Variants in COL6A3 observed in about 807,000 individuals in gnomAD.
COL6A3 encodes collagen alpha-3(VI) chain.
COL6A3 carries 137 observed loss-of-function variants against 274.1 expected under a neutral mutation model. That is an observed-to-expected ratio of 0.50 (90% CI 0.44 to 0.58). The LOEUF is 0.58. COL6A3 is among the 20% of genes least tolerant of loss of function. The pLI is 0.00. For missense variants in COL6A3, 3,950 were observed against 4,124.9 expected (o/e 0.96, Z 1.16); for synonymous variants, 1,650 against 1,650.6 (o/e 1.00, Z 0.01).
In COL6A3 at chr2:237,359,443, C is replaced by T. The variant is rs538152343; in HGVS notation, c.6283-55G>A. 89 of 1,602,010 alleles carry T rather than the reference C, an allele frequency of 5.6e-5. No homozygotes were observed. The African/African-American group carries it at 9.5e-4, about 17-fold the overall frequency. On this transcript the variant is annotated intron_variant, in intron 17 of 43. Transcript: ENST00000295550. ...AGCTTTTCCTGCAGGGCTGGTCCCT[C>T]GGGCAGAAGAGGCCAAGGGCTGTTC...
chr2:237,341,433 A>G (rs1334373724), intron 37 of COL6A3, among the ~76,000 whole-genome samples: 2 of 150,862 alleles, frequency 1.3e-5, no homozygotes, highest in Non-Finnish European at 2.9e-5. Context: ...AATCTAGGCT[A>G]CTCTGGAGGC....
At chr2:237,354,501 A>G (rs2077274580) in intron 24 of COL6A3, among the ~76,000 whole-genome samples, 1 of 152,170 alleles carries the variant, frequency 6.6e-6, no homozygotes, top group South Asian at 2.1e-4. Context: ...CTGTTCTGGT[A>G]AACTGTGTAT....
Position 237,387,682 on chromosome 2 carries a change from T to C in COL6A3, c.1212A>G (p.Glu404=). The change falls in exon 4 of 44, where the codon GAA becomes GAG. Residue 404 remains glutamate (E), a synonymous_variant. Coordinates refer to ENST00000295550, the MANE Select transcript of COL6A3 (RefSeq NM_004369.4). ...TDDNLVFTVP[E]FRSFGDLQEK... Reference sequence around the variant, plus strand: ...CCTGGAGGTCCCCAAAGCTACGGAATTCCGGGACAGTAAACACCAAGTTGT... The same window carrying C: ...CCTGGAGGTCCCCAAAGCTACGGAACTCCGGGACAGTAAACACCAAGTTGT... 6.2e-7 allele frequency: 1 copy of C among 1,614,002 alleles called. No individual in the cohort carries two copies. The highest frequency in any genetic ancestry group is 1.3e-5 in the African/African-American group (1 of 75,044).
At chr2:237,363,198 C>A (rs2077476337) in intron 14 of COL6A3, 55 bp downstream of exon 14, 1 of 1,579,000 alleles carries the variant, frequency 6.3e-7, no homozygotes, top group Non-Finnish European at 8.7e-7. Context: ...TCTTGAAATG[C>A]CAAAAGGTGT....
At chr2:237,350,992 G>A (rs1028498194) in intron 27 of COL6A3, 138 bp downstream of exon 27, 30 of 800,670 alleles carry the variant, frequency 3.7e-5, no homozygotes, top group Middle Eastern at 2.2e-4. Flanking sequence ...TGGCCAAGCC[G>A]CGATCAACAG....
Position 237,360,080 on chromosome 2 carries a change from C to T in COL6A3, c.6282+8G>A, listed in dbSNP as rs758003433. ...CCCACGCTAGCAACCCCATCACCCA[C>T]GCCTCACCTTTACTCCTCTCTGGCC... On this transcript the variant is annotated splice_region_variant and intron_variant, in intron 17 of 43. Coordinates refer to ENST00000295550, the MANE Select transcript of COL6A3 (RefSeq NM_004369.4). The T allele has an allele frequency of 2.3e-5, 37 of 1,613,942 alleles. No individual in the cohort carries two copies. The highest frequency in any genetic ancestry group is 2.0e-4 in the African/African-American group (15 of 74,922).
In COL6A3 at chr2:237,364,325, A is replaced by G. The variant is rs370946061; in HGVS notation, c.5917+25T>C. The G allele has an allele frequency of 1.3e-6, 2 of 1,594,662 alleles. No individual in the cohort carries two copies. Among genetic ancestry groups the G allele is most frequent in the East Asian group, 2.2e-5 (1 of 44,790 alleles). On this transcript the variant is annotated intron_variant, in intron 13 of 43. Coordinates refer to ENST00000295550, the MANE Select transcript of COL6A3 (RefSeq NM_004369.4). This position sits in a 1 kb window ranked among gnomAD's most constrained non-coding sequence, Gnocchi z 4.6. The stretch of plus-strand genomic sequence containing the variant: ...CCCGCCTCACCAGGGTTTACTTCTC[A>G]TATTTAGAAAGCCTTGGCACCTACC...
rs2646260 is a variant in COL6A3 at position 237,369,152 on chromosome 2, A to G, written c.4311T>C (p.Ile1437=). The G allele has an allele frequency of 0.27, 428,134 of 1,612,410 alleles. 62,245 individuals carry two copies. The highest frequency in any genetic ancestry group is 0.58 in the African/African-American group (43,825 of 74,962). ...PPAVESDAAD[I]VFLIDSSEGV... ...CCTCAGAGCTGTCGATCAGAAAGAC[A>G]ATGTCTGCAGCATCACTCTCAACTG... The change falls in exon 10 of 44, where the codon ATT becomes ATC. Residue 1437 remains isoleucine, a synonymous_variant. Transcript: ENST00000295550.
At position 237,387,910 on chromosome 2, in the gene COL6A3, G is replaced by A. The variant is rs768609958; in HGVS notation, c.984C>T (p.Phe328=). 6.8e-6 allele frequency: 11 copies of A among 1,614,114 alleles called. No homozygotes were observed. The highest frequency in any genetic ancestry group is 2.2e-5 in the South Asian group (2 of 91,082). Residue 328 remains phenylalanine (F), a synonymous_variant, in exon 4 of 44, where the codon TTC becomes TTT. Transcript: ENST00000295550. Reference sequence around the variant, plus strand: ...CCCGGGTGAAGTGGTTCTCCACCACGAAATCAAGGGCGAGGCCGATATTGG... The same window carrying A: ...CCCGGGTGAAGTGGTTCTCCACCACAAAATCAAGGGCGAGGCCGATATTGG... ...ELANIGLALD[F]VVENHFTRAG... is the part of the protein sequence containing the mutation.
Position 237,348,484 on chromosome 2 carries a change from C to A in COL6A3, c.6931-100G>T, listed in dbSNP as rs3790990. ...AAGAAATGTCTGCTGAGTCATCAAA[C>A]GAAAACACTCACTCAAATACAAAGA... On this transcript the variant is annotated intron_variant, in intron 29 of 43. Transcript: ENST00000295550. The A allele has an allele frequency of 0.17, 223,346 of 1,332,326 alleles. 20,296 individuals carry two copies. The highest frequency in any genetic ancestry group is 0.34 in the African/African-American group (22,905 of 68,258). The allele number at this position is 1,332,326 out of a possible 1,614,324, so 82.5% of individuals were successfully genotyped here.
At position 237,344,691 on chromosome 2, in the gene COL6A3, C is replaced by T. The variant is rs1345727801; in HGVS notation, c.7327G>A (p.Ala2443Thr). 9 of 1,609,420 alleles carry T rather than the reference C, an allele frequency of 5.6e-6. No individual in the cohort carries two copies. The highest frequency in any genetic ancestry group is 7.6e-6 in the Non-Finnish European group (9 of 1,177,080). The stretch of plus-strand genomic sequence containing the variant: ...TTGTAGGTGACCACAGCCACCCGGG[C>T]CCCCCGTGGGCAGTTGCTCTCAGCA... ...TIAESNCPRG[A>T]RVAVVTYNNE... is the part of the protein sequence containing the mutation. Residue 2443 changes from alanine (A) to threonine (T), a missense_variant, in exon 36 of 44, where the codon GCC (alanine) becomes ACC (threonine). Transcript: ENST00000295550. The surrounding 1 kb of genome is among the most constrained non-coding windows in gnomAD (Gnocchi z 4.8).
chr2:237,368,499 C>A lies in COL6A3; in HGVS notation c.4900+64G>T. On this transcript the variant is annotated intron_variant, in intron 10 of 43. Transcript: ENST00000295550. The surrounding 1 kb of genome is among the most constrained non-coding windows in gnomAD (Gnocchi z 4.4). ...AATTATTAAAAATGACTACTGATTA[C>A]TTTTTTAACTAAAAAAAAAATGTTG... 6.3e-7 allele frequency: 1 copy of A among 1,586,690 alleles called. No homozygotes were observed. Among genetic ancestry groups the A allele is most frequent in the Non-Finnish European group, 8.6e-7 (1 of 1,163,990 alleles).
intron 1 of COL6A3, among the ~76,000 whole-genome samples, chr2:237,401,781 C>T (rs1430849436): frequency 6.6e-6 from 1 of 151,960 alleles, no homozygotes; most frequent in Non-Finnish European, 1.5e-5. Flanking sequence ...ACCTCCCAGG[C>T]CCAAGCAATC....
rs1168082378 is a variant in COL6A3 at position 237,344,983 on chromosome 2, A to C, written c.7163-31T>G. The C allele has an allele frequency of 6.2e-7, 1 of 1,614,114 alleles. No individual in the cohort carries two copies. The highest frequency in any genetic ancestry group is 8.5e-7 in the Non-Finnish European group (1 of 1,180,040). ...AAAGAAGCAAAGAGAAGAAAGGGTG[A>C]GAGACTACTCTACCATGTGAGAATT... On this transcript the variant is annotated intron_variant, in intron 34 of 43. Transcript: ENST00000295550. The surrounding 1 kb of genome is among the most constrained non-coding windows in gnomAD (Gnocchi z 4.8).
chr2:237,388,287 C>A, intron 3 of COL6A3, 103 bp from the exon 4 acceptor site: 1 of 1,434,166 alleles, frequency 7.0e-7, no homozygotes, highest in Non-Finnish European at 9.7e-7. Context: ...ATAAGAAACA[C>A]GAAATATGGG....
At chr2:237,334,083 C>T (rs768726396) in intron 41 of COL6A3, among the ~76,000 whole-genome samples, 60 of 152,292 alleles carry the variant, frequency 3.9e-4, no homozygotes, top group Non-Finnish European at 5.3e-4. Context: ...CAAGTGCAGG[C>T]CTCAGTGAAA....
intron 12 of COL6A3, among the ~76,000 whole-genome samples, chr2:237,365,298 G>C (rs1385736273): frequency 2.0e-5 from 3 of 151,784 alleles, no homozygotes; most frequent in Non-Finnish European, 2.9e-5. Context: ...CCAGGCTGTA[G>C]TACTTCATGA....
chr2:237,358,380 C>T (rs1242840255), intron 21 of COL6A3, 141 bp downstream of exon 21: 1 of 753,824 alleles, frequency 1.3e-6, no homozygotes, highest in Non-Finnish European at 2.3e-6. Flanking sequence ...AACCCCCAAA[C>T]TGCAAGAAAA....
At chr2:237,392,319 C>CTGAA (rs2078309640) in intron 3 of COL6A3, among the ~76,000 whole-genome samples, 1 of 152,228 alleles carries the variant, frequency 6.6e-6, no homozygotes, top group South Asian at 2.1e-4. Flanking sequence ...CTCCTGCTTT[C>CTGAA]TGAATCCTTG....
Sources: gnomAD v4.1 joint callset for allele counts (sites outside exome capture counted in the v4.1 genomes callset) on GRCh38, gnomAD v4.1.1 for gene constraint, Gnocchi (gnomAD v3.1) non-coding constraint, MANE v1.5 for transcripts, NCBI Gene and HGNC (gene_info 2026-07-23, HGNC 2026-07-21) for gene names.